NRG1: variants seen among roughly 807,000 people sequenced by gnomAD.
The protein encoded by NRG1 is neuregulin 1, also known as pro-neuregulin-1, membrane-bound isoform.
NRG1 carries 18 observed loss-of-function variants against 63.8 expected under a neutral mutation model. The ratio of observed to expected loss-of-function variants is 0.28; its 90% CI spans 0.19 to 0.42. NRG1 has a LOEUF of 0.42. NRG1 is among the 10% of genes least tolerant of loss of function. The probability of loss-of-function intolerance (pLI) is 1.00; values close to 1 mark genes in which losing one functional copy is unlikely to be tolerated. For synonymous variants in NRG1, 302 were observed against 301.3 expected (o/e 1.00, Z -0.02); for missense variants, 762 against 814.7 (o/e 0.94, Z 0.79).
chr8:32,736,010 TA>T (rs139711052), intron 6 of NRG1, among the ~76,000 whole-genome samples: 109 of 148,164 alleles, frequency 7.4e-4, no homozygotes, highest in Admixed American at 1.2e-3. Flanking sequence ...AGATTGTCAT[TA>T]AAAAAAAAAT....
At chr8:31,999,499 T>C (rs1812575787) in intron 1 of NRG1, among the ~76,000 whole-genome samples, 1 of 151,998 alleles carries the variant, frequency 6.6e-6, no homozygotes, top group Non-Finnish European at 1.5e-5. Context: ...CTTTAGTTCA[T>C]GTAATATGCC....
chr8:32,064,776 A>C (rs1824470840), intron 1 of NRG1, among the ~76,000 whole-genome samples: 1 of 152,218 alleles, frequency 6.6e-6, no homozygotes, highest in Middle Eastern at 3.4e-3. Context: ...CAGCTCTTAA[A>C]CCAGCAGTAT....
chr8:31,999,187 T>A (rs769632161), intron 1 of NRG1, among the ~76,000 whole-genome samples: 1 of 151,998 alleles, frequency 6.6e-6, no homozygotes, highest in African/African-American at 2.4e-5. Flanking sequence ...AAGGAATATT[T>A]TTAGACTGGC....
intron 1 of NRG1, among the ~76,000 whole-genome samples, chr8:32,444,214 G>A (rs1244547151): frequency 1.3e-5 from 2 of 152,016 alleles, no homozygotes; most frequent in Non-Finnish European, 1.5e-5. Context: ...AAATTCCTGG[G>A]CTCAAGGGAT....
chr8:32,586,667 G>A (rs1416691656), intron 1 of NRG1, among the ~76,000 whole-genome samples: 2 of 152,124 alleles, frequency 1.3e-5, no homozygotes, highest in African/African-American at 2.4e-5. Flanking sequence ...TTAAGTTTTG[G>A]TTCTGCAACT....
chr8:32,210,338 A>G (rs1363388009), intron 1 of NRG1, among the ~76,000 whole-genome samples: 1 of 152,214 alleles, frequency 6.6e-6, no homozygotes, highest in Non-Finnish European at 1.5e-5. Context: ...CAATGGCATC[A>G]TCACATCATA....
At chr8:32,153,417 C>T (rs1837719150) in intron 1 of NRG1, among the ~76,000 whole-genome samples, 2 of 152,112 alleles carry the variant, frequency 1.3e-5, no homozygotes, top group African/African-American at 4.8e-5. Context: ...TAAGTTGTCC[C>T]CTTGAGGAAG....
intron 5 of NRG1, among the ~76,000 whole-genome samples, chr8:32,635,077 A>G (rs1292004825): frequency 6.6e-6 from 1 of 152,110 alleles, no homozygotes; most frequent in Non-Finnish European, 1.5e-5. Flanking sequence ...CTTCTCTTCC[A>G]TTTTCTAAGG....
intron 1 of NRG1, among the ~76,000 whole-genome samples, chr8:32,022,424 T>C (rs1816595906): frequency 6.6e-6 from 1 of 152,216 alleles, no homozygotes; most frequent in Non-Finnish European, 1.5e-5. Flanking sequence ...TGATTTATTT[T>C]ACATGAGCCA....
At chr8:32,210,849 A>G (rs1449220957) in intron 1 of NRG1, among the ~76,000 whole-genome samples, 9 of 152,234 alleles carry the variant, frequency 5.9e-5, no homozygotes, top group African/African-American at 1.9e-4. Flanking sequence ...CAAAACATTC[A>G]TATGATATTC....
At chr8:32,747,458 T>C (rs1029876257) in intron 7 of NRG1, among the ~76,000 whole-genome samples, 2 of 151,772 alleles carry the variant, frequency 1.3e-5, no homozygotes, top group Non-Finnish European at 2.9e-5. Context: ...AGAAAGCAAA[T>C]GGGAAAAAAA....
chr8:32,314,662 G>C (rs776705788), intron 1 of NRG1, among the ~76,000 whole-genome samples: 8 of 152,088 alleles, frequency 5.3e-5, no homozygotes, highest in Non-Finnish European at 1.2e-4. Flanking sequence ...CTTCATAATA[G>C]AAATGCTAAA....
At chr8:32,004,010 A>G (rs986054300) in intron 1 of NRG1, among the ~76,000 whole-genome samples, 6 of 152,040 alleles carry the variant, frequency 3.9e-5, no homozygotes, top group African/African-American at 1.4e-4. Flanking sequence ...TGAAAATACC[A>G]TTGAAGATGG....
At chr8:32,014,294 T>G (rs1028751715) in intron 1 of NRG1, among the ~76,000 whole-genome samples, 3 of 152,178 alleles carry the variant, frequency 2.0e-5, no homozygotes, top group Non-Finnish European at 4.4e-5. Context: ...TATTCCTAGG[T>G]ATTTTATTCT....
At chr8:32,156,667 C>G (rs1031918284) in intron 1 of NRG1, among the ~76,000 whole-genome samples, 4 of 152,208 alleles carry the variant, frequency 2.6e-5, no homozygotes, top group Non-Finnish European at 5.9e-5. Flanking sequence ...AAGAATAAAG[C>G]TGGCAAGCAC....
chr8:32,330,474 T>C (rs1165467270), intron 1 of NRG1, among the ~76,000 whole-genome samples: 2 of 152,058 alleles, frequency 1.3e-5, no homozygotes, highest in East Asian at 3.9e-4. Context: ...TGTGGGGAAG[T>C]GAAGGATGTG....
chr8:32,760,650 T>G lies in NRG1; in HGVS notation c.1259+244T>G, dbSNP rs545582183. On this transcript the variant is annotated intron_variant, in intron 11 of 11. Coordinates refer to ENST00000356819, the Ensembl canonical transcript of NRG1. ...CTCTTAAAGAGCTGGGATGCTTTGATGCGGAAGGTGCAGCACATGGAGTTT... is the reference window on the plus strand; with the variant it reads ...CTCTTAAAGAGCTGGGATGCTTTGAGGCGGAAGGTGCAGCACATGGAGTTT... 117 of 1,306,124 alleles carry G rather than the reference T, an allele frequency of 9.0e-5. 2 individuals carry two copies. The South Asian group carries it at 1.9e-3, about 21-fold the overall frequency. 80.9% of individuals were successfully genotyped at this position (1,306,124 alleles called of 1,614,324 possible). A position where few individuals can be genotyped will look rare whatever the true frequency, so the allele number is the denominator to read the frequency against.
intron 1 of NRG1, among the ~76,000 whole-genome samples, chr8:32,578,624 A>G (rs940658267): frequency 3.3e-5 from 5 of 152,128 alleles, no homozygotes; most frequent in Admixed American, 3.3e-4. Context: ...AATGGCCTTC[A>G]TGACCATAAG....
At chr8:32,092,293 A>G (rs1159923435) in intron 1 of NRG1, among the ~76,000 whole-genome samples, 2 of 151,528 alleles carry the variant, frequency 1.3e-5, no homozygotes, top group African/African-American at 4.8e-5. Flanking sequence ...TTGTCTCTAC[A>G]AAAAATAGAA....
Sources: allele counts gnomAD v4.1 joint callset (sites outside exome capture counted in the v4.1 genomes callset), GRCh38; gene constraint gnomAD v4.1.1; transcripts MANE v1.5; gene names NCBI Gene and HGNC (gene_info 2026-07-23, HGNC 2026-07-21).